The following UBAP2 variants were observed in gnomAD, a reference collection of about 807,000 sequenced individuals.
UBAP2 encodes ubiquitin associated protein 2.
In UBAP2, 75 loss-of-function variants were observed where a neutral mutation model predicts 139.6. The ratio of observed to expected loss-of-function variants is 0.54; its 90% confidence interval spans 0.45 to 0.65. The LOEUF is 0.65. UBAP2 is among the 30% of genes least tolerant of loss of function. UBAP2 has a pLI of 0.00. For synonymous variants in UBAP2, 526 were observed against 526.2 expected (o/e 1.00, Z 0.01); for missense variants, 1,368 against 1,369.6 (o/e 1.00, Z 0.02).
intron 17 of UBAP2, chr9:33,935,565 C>G: frequency 4.3e-6 from 2 of 468,784 alleles, no homozygotes. Flanking sequence ...CCCCGCCTGG[C>G]CCAAGCATCT....
chr9:33,945,058 A>C (rs1482133099), intron 13 of UBAP2, among the ~76,000 whole-genome samples: 3 of 152,054 alleles, frequency 2.0e-5, no homozygotes, highest in African/African-American at 7.2e-5. Flanking sequence ...TTAGCCCAGG[A>C]GTACAAGGCT....
intron 1 of UBAP2, among the ~76,000 whole-genome samples, chr9:34,034,259 T>C (rs924782230): frequency 6.6e-6 from 1 of 152,222 alleles, no homozygotes; most frequent in Non-Finnish European, 1.5e-5. Context: ...GATTTAATAC[T>C]TCAGAAGTTT....
At chr9:33,950,824 C>A (rs72727353) in intron 12 of UBAP2, among the ~76,000 whole-genome samples, 2 of 152,170 alleles carry the variant, frequency 1.3e-5, no homozygotes, top group Non-Finnish European at 1.5e-5. Flanking sequence ...AGGTAATACA[C>A]AGCATAGGCC....
intron 1 of UBAP2, among the ~76,000 whole-genome samples, chr9:34,026,612 G>T (rs770844490): frequency 1.3e-5 from 2 of 152,052 alleles, no homozygotes; most frequent in East Asian, 3.8e-4. Context: ...AAAACCAATG[G>T]TAATGACAAT....
At chr9:34,012,745 T>C (rs1003906860) in intron 2 of UBAP2, among the ~76,000 whole-genome samples, 2 of 152,018 alleles carry the variant, frequency 1.3e-5, no homozygotes, top group African/African-American at 2.4e-5. Context: ...ATAAAGTAGA[T>C]GTGACAGAAA....
rs139975984 is a variant in UBAP2, at chr9:33,993,571, CTG to C, written c.288+2650_288+2651del. ...CCTGTGGTCCCGGCTACTCGGCAGG[CTG>C]GAGGATGGCATAAGCCCGGGAGGTC... On this transcript the variant is annotated intron_variant, in intron 4 of 28. Transcript: ENST00000379238. 5.7e-3 allele frequency among the ~76,000 whole-genome samples: 862 copies of C among 152,280 alleles called. 8 individuals carry two copies. The highest frequency in any genetic ancestry group is 0.02 in the African/African-American group (836 of 41,558).
At chr9:33,935,176 T>TC (rs1824370999) in intron 17 of UBAP2, 1 of 50,454 alleles carries the variant, frequency 2.0e-5, no homozygotes, top group Non-Finnish European at 4.5e-5. Flanking sequence ...GGGGGGGGGG[T>TC]CTCATTTTCT....
At chr9:34,040,057 G>C (rs1286828370) in intron 1 of UBAP2, among the ~76,000 whole-genome samples, 1 of 151,840 alleles carries the variant, frequency 6.6e-6, no homozygotes, top group Non-Finnish European at 1.5e-5. Flanking sequence ...TACTTGGGAG[G>C]CTGAGGCAGG....
chr9:33,937,381 C>G (rs944460209), intron 16 of UBAP2, among the ~76,000 whole-genome samples: 2 of 151,832 alleles, frequency 1.3e-5, no homozygotes, highest in East Asian at 3.9e-4. Flanking sequence ...CCAAGGAGGA[C>G]GTATCATTTG....
At chr9:33,945,874 T>C (rs1042781813) in intron 13 of UBAP2, among the ~76,000 whole-genome samples, 1 of 152,224 alleles carries the variant, frequency 6.6e-6, no homozygotes, top group Non-Finnish European at 1.5e-5. Context: ...TTAAAAGCAA[T>C]GCACTAATGA....
chr9:34,039,147 G>A lies in UBAP2; in HGVS notation c.-42+9678C>T, dbSNP rs867844684. Among the ~76,000 whole-genome samples, 3 of 151,758 alleles carry A rather than the reference G, an allele frequency of 2.0e-5. No individual in the cohort carries two copies. In the South Asian group the frequency reaches 6.2e-4, roughly 32 times the overall value. ...GGCAGCCGGCCCGTCTGGGAGGTGG[G>A]GGGCAGCCTCCGCCCAGCCAGCCGC... is the stretch of plus-strand genomic sequence containing the variant. On this transcript the variant is annotated intron_variant, in intron 1 of 28. Transcript: ENST00000379238.
intron 4 of UBAP2, chr9:33,995,468 AAT>A (rs913485137): frequency 7.2e-6 from 1 of 139,464 alleles, no homozygotes; most frequent in Non-Finnish European, 1.5e-5. Flanking sequence ...ATATATATTA[AAT>A]ATATAAATAT....
chr9:33,978,374 T>C (rs1257024414), intron 6 of UBAP2, among the ~76,000 whole-genome samples: 1 of 151,936 alleles, frequency 6.6e-6, no homozygotes, highest in Non-Finnish European at 1.5e-5. Flanking sequence ...CTTCTCTACC[T>C]TAAAAAAAAA....
At chr9:33,974,171 C>G (rs1207229667) in intron 6 of UBAP2, among the ~76,000 whole-genome samples, 1 of 152,154 alleles carries the variant, frequency 6.6e-6, no homozygotes, top group Non-Finnish European at 1.5e-5. Context: ...GCCTGGGTGA[C>G]ATAGCAAGAC....
chr9:33,975,667 G>A (rs1006995053), intron 6 of UBAP2, among the ~76,000 whole-genome samples: 5 of 151,672 alleles, frequency 3.3e-5, no homozygotes, highest in South Asian at 2.1e-4. Flanking sequence ...TTAGCCAGGC[G>A]TAGTGGCAGG....
chr9:33,984,932 G>A (rs1821075924), intron 6 of UBAP2, among the ~76,000 whole-genome samples: 1 of 152,166 alleles, frequency 6.6e-6, no homozygotes, highest in South Asian at 2.1e-4. Context: ...TTATGATCAT[G>A]ACACTGCATT....
chr9:34,042,051 T>C (rs1298945855), intron 1 of UBAP2, among the ~76,000 whole-genome samples: 1 of 151,872 alleles, frequency 6.6e-6, no homozygotes, highest in Non-Finnish European at 1.5e-5. Context: ...CATGGATAAA[T>C]CTCAAGCATG....
chr9:34,001,076 C>T (rs1374235792), intron 2 of UBAP2, among the ~76,000 whole-genome samples: 4 of 152,052 alleles, frequency 2.6e-5, no homozygotes, highest in Non-Finnish European at 4.4e-5. Flanking sequence ...GCACCACTGT[C>T]ATGACAACTA....
chr9:34,001,077 A>G (rs7030063), intron 2 of UBAP2, among the ~76,000 whole-genome samples: 147,677 of 152,302 alleles, frequency 0.97, 71,681 homozygotes, highest in Non-Finnish European at 1. Flanking sequence ...CACCACTGTC[A>G]TGACAACTAG....
Sources: allele counts gnomAD v4.1 joint callset (sites outside exome capture counted in the v4.1 genomes callset), GRCh38; gene constraint gnomAD v4.1.1; transcripts MANE v1.5; gene names NCBI Gene and HGNC (gene_info 2026-07-23, HGNC 2026-07-21).